KCNH7: variants seen among roughly 807,000 people sequenced by gnomAD.
KCNH7 encodes the protein potassium voltage-gated channel subfamily H member 7, also known as voltage-gated inwardly rectifying potassium channel KCNH7.
KCNH7 carries 49 observed loss-of-function variants against 120.8 expected under a neutral mutation model. The ratio of observed to expected loss-of-function variants is 0.41; its 90% CI spans 0.32 to 0.51. KCNH7 has a LOEUF of 0.51. Ranked by LOEUF, KCNH7 falls within the 20% of genes least tolerant of loss-of-function variation. KCNH7 has a pLI of 0.38. For missense variants in KCNH7, 1,097 were observed against 1,446.6 expected (o/e 0.76, Z 3.92); for synonymous variants, 547 against 516.1 (o/e 1.06, Z -0.81).
chr2:162,442,144 G>A (rs897465367), intron 7 of KCNH7, among the ~76,000 whole-genome samples: 2 of 150,098 alleles, frequency 1.3e-5, no homozygotes, highest in Non-Finnish European at 3.0e-5. Flanking sequence ...TCCTGCCTCA[G>A]ACTCCCGAGT....
At chr2:162,705,419 T>C (rs1229638876) in intron 2 of KCNH7, among the ~76,000 whole-genome samples, 1 of 152,126 alleles carries the variant, frequency 6.6e-6, no homozygotes, top group Non-Finnish European at 1.5e-5. Flanking sequence ...TTCTAAATCC[T>C]GAGTTTATGA....
intron 13 of KCNH7, among the ~76,000 whole-genome samples, chr2:162,383,631 A>C (rs896467115): frequency 1.3e-5 from 2 of 151,960 alleles, no homozygotes; most frequent in East Asian, 3.9e-4. Context: ...TAATTTTGCT[A>C]TCCTACCAGG....
chr2:162,694,320 AAACTTT>A (rs932051024), intron 2 of KCNH7, among the ~76,000 whole-genome samples: 2 of 152,186 alleles, frequency 1.3e-5, no homozygotes, highest in African/African-American at 4.8e-5. Context: ...TAGATCATTA[AAACTTT>A]AACTCCGAAC....
chr2:162,465,653 T>C (rs1689281693), intron 6 of KCNH7, among the ~76,000 whole-genome samples: 1 of 152,148 alleles, frequency 6.6e-6, no homozygotes, highest in Non-Finnish European at 1.5e-5. Context: ...TGCTGAGTAA[T>C]GGTGCGCATT....
intron 6 of KCNH7, among the ~76,000 whole-genome samples, chr2:162,486,631 C>T (rs952445066): frequency 1.3e-5 from 2 of 152,088 alleles, no homozygotes; most frequent in Admixed American, 6.5e-5. Context: ...GTCACTATTA[C>T]CCCATGTCTA....
chr2:162,742,454 A>G (rs1688171274), intron 2 of KCNH7, among the ~76,000 whole-genome samples: 1 of 152,194 alleles, frequency 6.6e-6, no homozygotes, highest in South Asian at 2.1e-4. Context: ...TATATTTGGC[A>G]TATTTAATCC....
intron 11 of KCNH7, among the ~76,000 whole-genome samples, chr2:162,396,131 G>A (rs1381786844): frequency 1.3e-5 from 2 of 151,546 alleles, no homozygotes; most frequent in Admixed American, 6.6e-5. Flanking sequence ...GAACATAAGA[G>A]CTACACTCGA....
Position 162,423,339 on chromosome 2 carries a change from G to A in KCNH7, c.2151C>T (p.Asn717=). ...TTTGGAAAACAGACATACATACCAT[G>A]TTCATGTCAATGCCATTGGTGTAAG... ...AWTYTNGIDM[N]MVLKGFPECL... Residue 717 remains asparagine (N), a synonymous_variant, in exon 9 of 16, where the codon AAC becomes AAT. Transcript: ENST00000332142. The A allele has an allele frequency of 6.2e-7, 1 of 1,614,022 alleles. No individual in the cohort carries two copies. Among genetic ancestry groups the A allele is most frequent in the Non-Finnish European group, 8.5e-7 (1 of 1,179,924 alleles).
In KCNH7 at chr2:162,485,483, G is replaced by A. The variant is rs114998688; in HGVS notation, c.1128+18960C>T. Among the ~76,000 whole-genome samples the A allele has an allele frequency of 2.1e-3, 316 of 152,224 alleles. 1 individual carries two copies. The highest frequency in any genetic ancestry group is 6.2e-3 in the South Asian group (30 of 4,810). ...CTTTTGCTTCAGGTAACTTTATACTGAACTCTCATACTTGCAGTGTCCAGT... is the reference window on the plus strand; with the variant it reads ...CTTTTGCTTCAGGTAACTTTATACTAAACTCTCATACTTGCAGTGTCCAGT... On this transcript the variant is annotated intron_variant, in intron 6 of 15. Transcript: ENST00000332142.
intron 2 of KCNH7, chr2:162,795,879 T>C (rs1223840472): frequency 6.6e-6 from 1 of 152,046 alleles, no homozygotes; most frequent in Non-Finnish European, 1.5e-5. Flanking sequence ...GGACATCCTA[T>C]GTACACAGAA....
intron 2 of KCNH7, among the ~76,000 whole-genome samples, chr2:162,600,122 T>G (rs1018882301): frequency 6.6e-6 from 1 of 152,134 alleles, no homozygotes; most frequent in Non-Finnish European, 1.5e-5. Context: ...CTCTCTAGCT[T>G]GTAATCAATC....
At position 162,469,696 on chromosome 2, in the gene KCNH7, C is replaced by T. The variant is rs537020095; in HGVS notation, c.1129-23253G>A. Among the ~76,000 whole-genome samples, 7 of 151,844 alleles carry T rather than the reference C, an allele frequency of 4.6e-5. No individual in the cohort carries two copies. The South Asian group carries it at 1.5e-3, about 32-fold the overall frequency. On this transcript the variant is annotated intron_variant, in intron 6 of 15. Coordinates refer to ENST00000332142, the MANE Select transcript of KCNH7 (RefSeq NM_033272.4). ...CCCTCTCCCTCCCCCTCCCCCTCTC[C>T]CTCTCCCTCTCCCCACGGTCTCCCT... is the stretch of plus-strand genomic sequence containing the variant.
chr2:162,609,421 C>T (rs753933832), intron 2 of KCNH7, among the ~76,000 whole-genome samples: 25 of 152,096 alleles, frequency 1.6e-4, no homozygotes, highest in South Asian at 1.0e-3. Flanking sequence ...TTCATACATA[C>T]GGATTTTCAA....
chr2:162,410,643 C>A (rs550690953), intron 9 of KCNH7, among the ~76,000 whole-genome samples: 6 of 152,002 alleles, frequency 3.9e-5, no homozygotes, highest in Middle Eastern at 3.4e-3. Flanking sequence ...AAAGAAACTA[C>A]CAACAGAGTA....
intron 6 of KCNH7, among the ~76,000 whole-genome samples, chr2:162,457,054 T>TGTAG: frequency 6.6e-6 from 1 of 152,144 alleles, no homozygotes; most frequent in Non-Finnish European, 1.5e-5. Context: ...TTTTATAAGG[T>TGTAG]CTACTCCTAT....
intron 6 of KCNH7, among the ~76,000 whole-genome samples, chr2:162,501,655 C>T (rs974349367): frequency 7.2e-5 from 11 of 152,012 alleles, no homozygotes; most frequent in Non-Finnish European, 1.3e-4. Flanking sequence ...CTTCCTTGTT[C>T]ATAAATAAGC....
At chr2:162,470,357 C>T (rs1049767731) in intron 6 of KCNH7, among the ~76,000 whole-genome samples, 21 of 151,690 alleles carry the variant, frequency 1.4e-4, no homozygotes, top group East Asian at 3.9e-4. Context: ...TGCCCGGCCG[C>T]GACCCTGTCT....
chr2:162,442,679 G>A (rs1688461248), intron 7 of KCNH7, among the ~76,000 whole-genome samples: 1 of 151,954 alleles, frequency 6.6e-6, no homozygotes, highest in Admixed American at 6.6e-5. Flanking sequence ...ACAACATAGT[G>A]AAACTCTCTC....
chr2:162,808,847 G>GA (rs1196496916), intron 2 of KCNH7, among the ~76,000 whole-genome samples: 1 of 152,104 alleles, frequency 6.6e-6, no homozygotes, highest in Non-Finnish European at 1.5e-5. Context: ...AAACAAAAGG[G>GA]AGAAGGGTTC....
Sources: gnomAD v4.1 joint callset for allele counts (sites outside exome capture counted in the v4.1 genomes callset) on GRCh38, gnomAD v4.1.1 for gene constraint, MANE v1.5 for transcripts, NCBI Gene and HGNC (gene_info 2026-07-23, HGNC 2026-07-21) for gene names.